The following CMIP variants were observed in gnomAD, a reference collection of about 807,000 sequenced individuals.
CMIP encodes the protein c-Maf inducing protein.
Under a neutral mutation model 97.3 loss-of-function variants are expected in CMIP, and 13 were observed. The ratio of observed to expected loss-of-function variants is 0.13; its 90% confidence interval spans 0.09 to 0.21. The LOEUF (loss-of-function observed/expected upper bound fraction) is 0.21. Among genes scored for constraint, CMIP ranks in the 10% least tolerant of loss-of-function variants. The pLI is 1.00. For missense variants in CMIP, 847 were observed against 1,024.9 expected (o/e 0.83, Z 2.37); for synonymous variants, 538 against 436.3 (o/e 1.23, Z -2.91).
intron 1 of CMIP, among the ~76,000 whole-genome samples, chr16:81,515,572 T>C (rs993617011): frequency 3.9e-5 from 6 of 152,162 alleles, no homozygotes; most frequent in Non-Finnish European, 8.8e-5. Flanking sequence ...AGAGCATCGT[T>C]AAGTGGCCAT....
At chr16:81,494,637 CG>C (rs2089458460) in intron 1 of CMIP, among the ~76,000 whole-genome samples, 1 of 152,140 alleles carries the variant, frequency 6.6e-6, no homozygotes, top group African/African-American at 2.4e-5. Flanking sequence ...GGCCGCCCCC[CG>C]ATGCCTCCGC....
At chr16:81,521,744 A>G (rs766791586) in intron 1 of CMIP, among the ~76,000 whole-genome samples, 34 of 152,220 alleles carry the variant, frequency 2.2e-4, no homozygotes, top group Non-Finnish European at 4.4e-4. Context: ...CTCCTATGAT[A>G]CCTTGTAGAT....
At chr16:81,487,968 A>T (rs2089344721) in intron 1 of CMIP, among the ~76,000 whole-genome samples, 1 of 152,182 alleles carries the variant, frequency 6.6e-6, no homozygotes, top group Non-Finnish European at 1.5e-5. Context: ...GCTCTTTGCA[A>T]CCTGGAGGTG....
At chr16:81,455,099 C>G (rs1906462243) in intron 1 of CMIP, among the ~76,000 whole-genome samples, 1 of 152,222 alleles carries the variant, frequency 6.6e-6, no homozygotes, top group African/African-American at 2.4e-5. Flanking sequence ...AACCCATGCA[C>G]CCTGGGGCGG....
intron 1 of CMIP, among the ~76,000 whole-genome samples, chr16:81,559,544 T>TAAGATCATAATGGAGCTGAA (rs1342353420): frequency 6.6e-6 from 1 of 152,188 alleles, no homozygotes; most frequent in African/African-American, 2.4e-5. Context: ...GGTGGTCCCA[T>TAAGATCATAATGGAGCTGAA]AAGATCATAA....
At chr16:81,514,407 G>A (rs2089871483) in intron 1 of CMIP, among the ~76,000 whole-genome samples, 1 of 152,178 alleles carries the variant, frequency 6.6e-6, no homozygotes, top group African/African-American at 2.4e-5. Context: ...GCTAACTTGG[G>A]GTGCAGTGGT....
chr16:81,661,645 G>A (rs542277803), intron 6 of CMIP, among the ~76,000 whole-genome samples: 8 of 152,304 alleles, frequency 5.3e-5, no homozygotes, highest in African/African-American at 1.2e-4. Flanking sequence ...TTGGAGAGGC[G>A]TGGGCTGTGT....
At chr16:81,509,076 A>C (rs1433839160) in intron 1 of CMIP, among the ~76,000 whole-genome samples, 3 of 152,104 alleles carry the variant, frequency 2.0e-5, no homozygotes, top group African/African-American at 7.2e-5. Flanking sequence ...ATTTTTTTCA[A>C]ATAAAGATCT....
At chr16:81,665,184 C>G (rs982501878) in intron 7 of CMIP, 1 of 152,016 alleles carries the variant, frequency 6.6e-6, no homozygotes, top group Non-Finnish European at 1.5e-5. Flanking sequence ...TAATTGCACA[C>G]TTAGAGCGGG....
At position 81,621,190 on chromosome 16, in the gene CMIP, A is replaced by C; in HGVS notation, c.477+264A>C. On this transcript the variant is annotated intron_variant, in intron 3 of 20. Coordinates refer to ENST00000537098, the MANE Select transcript of CMIP (RefSeq NM_198390.3). The surrounding 1 kb of genome is among the most constrained non-coding windows in gnomAD (Gnocchi z 4.1). ...TTTCCTGCTTCAAAAGGATCATAGA[A>C]CTGCTTGCTCTCAGAGTGAGGGCGA... is the stretch of plus-strand genomic sequence containing the variant. 2 of 375,380 alleles carry C rather than the reference A, an allele frequency of 5.3e-6. No homozygotes were observed. The highest frequency in any genetic ancestry group is 6.8e-5 in the South Asian group (2 of 29,298). 23.3% of individuals were successfully genotyped at this position (375,380 alleles called of 1,614,324 possible).
At chr16:81,595,430 C>G (rs1176744885) in intron 1 of CMIP, among the ~76,000 whole-genome samples, 1 of 150,052 alleles carries the variant, frequency 6.7e-6, no homozygotes, top group African/African-American at 2.5e-5. Flanking sequence ...GCTCTGTTGC[C>G]CAGGCTGTAG....
intron 11 of CMIP, 87 bp from the exon 12 acceptor site, chr16:81,693,071 A>G: frequency 1.1e-6 from 1 of 933,114 alleles, no homozygotes; most frequent in Non-Finnish European, 1.7e-6. Flanking sequence ...CATAAAGTCT[A>G]GACGTCCCCA....
chr16:81,479,031 T>G (rs1471152), intron 1 of CMIP, among the ~76,000 whole-genome samples: 106,235 of 152,062 alleles, frequency 0.7, 37,916 homozygotes, highest in African/African-American at 0.85. Flanking sequence ...AGCCGGGTCC[T>G]CAGGCACTCG....
chr16:81,495,959 G>A (rs1239549484), intron 1 of CMIP, among the ~76,000 whole-genome samples: 1 of 152,226 alleles, frequency 6.6e-6, no homozygotes, highest in Non-Finnish European at 1.5e-5. Context: ...TCCGAGACTT[G>A]CAGGAGCAGA....
intron 1 of CMIP, among the ~76,000 whole-genome samples, chr16:81,547,958 C>T (rs905880877): frequency 6.6e-6 from 1 of 152,154 alleles, no homozygotes; most frequent in Admixed American, 6.5e-5. Context: ...GCCTCTGATC[C>T]CAGCCTCCTC....
intron 9 of CMIP, 145 bp downstream of exon 9, chr16:81,672,215 C>A: frequency 1.8e-6 from 1 of 543,488 alleles, no homozygotes; most frequent in Non-Finnish European, 3.4e-6. Flanking sequence ...TTTGCCAGTT[C>A]CCCTGGGCAC....
chr16:81,524,957 G>A (rs1057459083), intron 1 of CMIP, among the ~76,000 whole-genome samples: 1 of 151,630 alleles, frequency 6.6e-6, no homozygotes, highest in Non-Finnish European at 1.5e-5. Context: ...CATCATGCCT[G>A]GCTGATAATT....
intron 1 of CMIP, among the ~76,000 whole-genome samples, chr16:81,529,411 C>T (rs907964071): frequency 6.6e-6 from 1 of 152,110 alleles, no homozygotes; most frequent in African/African-American, 2.4e-5. Flanking sequence ...ATAGATGGCT[C>T]TGGATCTGTC....
Position 81,703,574 on chromosome 16 carries a change from GACAC to G in CMIP, c.1945-359_1945-356del, listed in dbSNP as rs367727424. Among the ~76,000 whole-genome samples the G allele has an allele frequency of 1.1e-4, 17 of 150,956 alleles. No homozygotes were observed. In the East Asian group the frequency reaches 1.2e-3, roughly 10 times the overall value. ...ACATGCATACACAAACGTGCACACAGACACACACAGATATACACACATACAGGCA... is the reference window on the plus strand; with the variant it reads ...ACATGCATACACAAACGTGCACACAGACACAGATATACACACATACAGGCA... On this transcript the variant is annotated intron_variant, in intron 17 of 20. Coordinates refer to ENST00000537098, the MANE Select transcript of CMIP (RefSeq NM_198390.3).
Sources: gnomAD v4.1 joint callset for allele counts (sites outside exome capture counted in the v4.1 genomes callset) on GRCh38, gnomAD v4.1.1 for gene constraint, Gnocchi (gnomAD v3.1) non-coding constraint, MANE v1.5 for transcripts, NCBI Gene and HGNC (gene_info 2026-07-23, HGNC 2026-07-21) for gene names.